Variants in TRIM24 observed in about 807,000 individuals in gnomAD.
TRIM24 encodes the protein transcription intermediary factor 1-alpha.
A neutral mutation model predicts 123.9 loss-of-function variants in TRIM24; 29 were observed. The observed-to-expected ratio is 0.23, with a 90% CI of 0.17 to 0.32. TRIM24 has a LOEUF of 0.32. Ranked by LOEUF, TRIM24 falls within the 10% of genes least tolerant of loss-of-function variation. The pLI, the probability that TRIM24 is intolerant of heterozygous loss-of-function variation, is 1.00. For synonymous variants in TRIM24, 456 were observed against 461.1 expected (o/e 0.99, Z 0.14); for missense variants, 932 against 1,295.3 (o/e 0.72, Z 4.31).
intron 12 of TRIM24, among the ~76,000 whole-genome samples, chr7:138,575,584 G>GTTGTT (rs965564944): frequency 6.7e-6 from 1 of 150,072 alleles, no homozygotes; most frequent in African/African-American, 2.5e-5. Context: ...GCCACATCCT[G>GTTGTT]TTGTTCATCA....
At position 138,585,813 on chromosome 7, in the gene TRIM24, C is replaced by T. The variant is rs1462714512; in HGVS notation, c.*862C>T. Reference sequence around the variant, plus strand: ...GCAGTATAGCTTTTAGTGGAACTACCCAAAATATAAATACAGCAGCGTGCA... The same window carrying T: ...GCAGTATAGCTTTTAGTGGAACTACTCAAAATATAAATACAGCAGCGTGCA... On this transcript the variant is annotated 3_prime_UTR_variant, in exon 19 of 19. Coordinates refer to ENST00000343526, the MANE Select transcript of TRIM24 (RefSeq NM_015905.3). The T allele has an allele frequency of 1.9e-6, 1 of 519,946 alleles. No homozygotes were observed. The highest frequency in any genetic ancestry group is 1.9e-5 in the African/African-American group (1 of 51,908). 32.2% of individuals were successfully genotyped at this position (519,946 alleles called of 1,614,324 possible). A position where few individuals can be genotyped will look rare whatever the true frequency, so the allele number is the denominator to read the frequency against.
In TRIM24 at chr7:138,570,980, T is replaced by G. The variant is rs2116670971; in HGVS notation, c.1855T>G (p.Tyr619Asp). 1.2e-6 allele frequency: 2 copies of G among 1,614,046 alleles called. No homozygotes were observed. Among genetic ancestry groups the G allele is most frequent in the South Asian group, 2.2e-5 (2 of 91,076 alleles). The change falls in exon 11 of 19, where the codon TAT becomes GAT. Residue 619 changes from tyrosine (Y) to aspartate (D), a missense_variant. By Grantham distance (160) the Tyr-to-Asp change is radical. This residue lies in a region of TRIM24 where 527 missense variants were observed against 691.3 expected (regional missense o/e 0.76). Coordinates refer to ENST00000343526, the MANE Select transcript of TRIM24 (RefSeq NM_015905.3). ...IDLSSPVGGS[Y>D]NLPSLPDIDC... is the part of the protein sequence containing the mutation. ...TTTGAGCTCACCAGTGGGAGGGTCT[T>G]ATAATCTTCCCTCTCTTCCGGATGT...
In TRIM24 at chr7:138,515,121, T is replaced by G. The variant is rs553558955; in HGVS notation, c.484-91T>G. ...CATTAGGAGGCTAACTGATTTAGCCTGGTACAATTGGTGTATCATGTACGC... is the reference window on the plus strand; with the variant it reads ...CATTAGGAGGCTAACTGATTTAGCCGGGTACAATTGGTGTATCATGTACGC... On this transcript the variant is annotated intron_variant, in intron 2 of 18. Coordinates refer to ENST00000343526, the MANE Select transcript of TRIM24 (RefSeq NM_015905.3). 17 of 1,323,358 alleles carry G rather than the reference T, an allele frequency of 1.3e-5. No homozygotes were observed. The South Asian group carries it at 3.2e-4, about 25-fold the overall frequency. 82.0% of individuals were successfully genotyped at this position (1,323,358 alleles called of 1,614,324 possible).
intron 2 of TRIM24, among the ~76,000 whole-genome samples, chr7:138,512,385 C>T (rs916831879): frequency 6.6e-6 from 1 of 152,190 alleles, no homozygotes; most frequent in East Asian, 1.9e-4. Flanking sequence ...TCCAGCCCCA[C>T]ATTTCTCCTC....
At chr7:138,563,081 G>A (rs761047396) in intron 9 of TRIM24, among the ~76,000 whole-genome samples, 6 of 152,090 alleles carry the variant, frequency 3.9e-5, no homozygotes, top group Admixed American at 1.3e-4. Context: ...CCTATGGATC[G>A]GGTTACTACC....
intron 1 of TRIM24, among the ~76,000 whole-genome samples, chr7:138,496,164 T>C (rs190261888): frequency 2.2e-4 from 33 of 152,360 alleles, no homozygotes; most frequent in Admixed American, 4.6e-4. Flanking sequence ...TGGGATTGCA[T>C]TGAATCTTTA....
At chr7:138,505,469 G>T (rs985857733) in intron 2 of TRIM24, among the ~76,000 whole-genome samples, 9 of 151,928 alleles carry the variant, frequency 5.9e-5, no homozygotes, top group African/African-American at 2.2e-4. Flanking sequence ...TTTTCTGCAT[G>T]GTCTTACTTT....
At chr7:138,508,708 C>CGTGTATGTGTGTGCGT (rs1796214255) in intron 2 of TRIM24, among the ~76,000 whole-genome samples, 2 of 136,194 alleles carry the variant, frequency 1.5e-5, no homozygotes, top group South Asian at 5.0e-4. Flanking sequence ...CGCGTGTGTG[C>CGTGTATGTGTGTGCGT]GTGTGTGTGT....
Position 138,554,814 on chromosome 7 carries a change from C to T in TRIM24, c.1378C>T (p.Pro460Ser). The T allele has an allele frequency of 6.2e-7, 1 of 1,614,194 alleles. No homozygotes were observed. Among genetic ancestry groups the T allele is most frequent in the Non-Finnish European group, 8.5e-7 (1 of 1,180,026 alleles). ...ATCATCAAACCAGTTATCCAAGTTC[C>T]CAACACAGATCAGCCTAGCTCAATT... ...GLSSNQLSKF[P>S]TQISLAQLRL... Residue 460 changes from proline to serine, a missense_variant, in exon 9 of 19, where the codon CCA (proline) becomes TCA (serine). Physicochemically the swap from Pro to Ser is moderately conservative, Grantham distance 74. Coordinates refer to ENST00000343526, the MANE Select transcript of TRIM24 (RefSeq NM_015905.3). The surrounding 1 kb of genome is among the most constrained non-coding windows in gnomAD (Gnocchi z 4.5).
At chr7:138,582,676 G>A (rs1797927611) in intron 17 of TRIM24, among the ~76,000 whole-genome samples, 1 of 151,960 alleles carries the variant, frequency 6.6e-6, no homozygotes, top group East Asian at 1.9e-4. Context: ...CCGAGATTGC[G>A]CCATTGCTCT....
chr7:138,565,220 G>C (rs1375432002), intron 9 of TRIM24, among the ~76,000 whole-genome samples: 1 of 152,098 alleles, frequency 6.6e-6, no homozygotes, highest in Non-Finnish European at 1.5e-5. Flanking sequence ...AACTGACTCT[G>C]CAAGCCACTC....
chr7:138,532,649 T>G (rs991194212), intron 6 of TRIM24, among the ~76,000 whole-genome samples: 3 of 152,238 alleles, frequency 2.0e-5, no homozygotes, highest in African/African-American at 7.2e-5. Context: ...GGTAGTGTGA[T>G]GTCTCCAGCT....
At chr7:138,488,559 A>T (rs1244855505) in intron 1 of TRIM24, among the ~76,000 whole-genome samples, 2 of 152,042 alleles carry the variant, frequency 1.3e-5, no homozygotes, top group African/African-American at 2.4e-5. Context: ...CTTTGTTCTC[A>T]TTGGTTTCAA....
At chr7:138,529,076 A>C (rs1796672944) in intron 5 of TRIM24, 40 bp from the exon 6 acceptor site, 1 of 1,295,740 alleles carries the variant, frequency 7.7e-7, no homozygotes. Flanking sequence ...AATATTATAC[A>C]AAAAAACTGC....
Position 138,585,860 on chromosome 7 carries a change from T to C in TRIM24, c.*909T>C, listed in dbSNP as rs1798006706. 1.9e-6 allele frequency: 1 copy of C among 519,000 alleles called. No homozygotes were observed. The allele number at this position is 519,000 out of a possible 1,614,324, so 32.1% of individuals were successfully genotyped here. On this transcript the variant is annotated 3_prime_UTR_variant, in exon 19 of 19. Coordinates refer to ENST00000343526, the MANE Select transcript of TRIM24 (RefSeq NM_015905.3). ...TGCACTGTATTTGATGTGAGGGTTC[T>C]TCATCATATACCCTACTGGGCATTA...
chr7:138,532,785 T>A (rs1255693937), intron 6 of TRIM24, among the ~76,000 whole-genome samples: 1 of 152,236 alleles, frequency 6.6e-6, no homozygotes, highest in Non-Finnish European at 1.5e-5. Context: ...TGGCATTGAA[T>A]CTATAAATTA....
chr7:138,530,655 G>A (rs903295921), intron 6 of TRIM24, among the ~76,000 whole-genome samples: 4 of 151,676 alleles, frequency 2.6e-5, no homozygotes, highest in Admixed American at 1.3e-4. Context: ...TTTTAAGAGG[G>A]GGGGTTTTGA....
chr7:138,582,049 CAGG>C (rs1174646354), intron 17 of TRIM24, among the ~76,000 whole-genome samples: 1 of 152,028 alleles, frequency 6.6e-6, no homozygotes. Context: ...TTCTGTATTT[CAGG>C]AGTTTTAGGC....
chr7:138,464,800 T>A (rs902834188), intron 1 of TRIM24, among the ~76,000 whole-genome samples: 8 of 152,160 alleles, frequency 5.3e-5, no homozygotes, highest in African/African-American at 1.9e-4. Context: ...CACTAAACTT[T>A]AACACCTAAA....
Sources: allele counts gnomAD v4.1 joint callset (sites outside exome capture counted in the v4.1 genomes callset), GRCh38; gene constraint gnomAD v4.1.1; regional missense constraint gnomAD v4.1.1; non-coding constraint Gnocchi (gnomAD v3.1); transcripts MANE v1.5; gene names NCBI Gene and HGNC (gene_info 2026-07-23, HGNC 2026-07-21).